NEDD4L: variants seen among roughly 807,000 people sequenced by gnomAD.
NEDD4L encodes the protein E3 ubiquitin-protein ligase NEDD4-like.
Under a neutral mutation model 148.9 loss-of-function variants are expected in NEDD4L, and 54 were observed. The ratio of observed to expected loss-of-function variants is 0.36; its 90% CI spans 0.29 to 0.45. The LOEUF (loss-of-function observed/expected upper bound fraction) is 0.45, where lower values mean the gene tolerates loss of function less well. NEDD4L is among the 20% of genes least tolerant of loss of function. The pLI, the probability that NEDD4L is intolerant of heterozygous loss-of-function variation, is 1.00. For synonymous variants in NEDD4L, 433 were observed against 440.7 expected, an observed-to-expected ratio of 0.98 and a Z score of 0.22; for missense variants, 856 against 1,233.8, an observed-to-expected ratio of 0.69 and a Z score of 4.59.
rs767012351 is a variant in NEDD4L at position 58,330,804 on chromosome 18, C to T, written c.880C>T (p.Pro294Ser). The change falls in exon 11 of 31, where the codon CCA (proline) becomes TCA (serine). Residue 294 changes from proline to serine, a missense_variant. By Grantham distance (74) the Pro-to-Ser change is moderately conservative. Coordinates refer to ENST00000400345, the MANE Select transcript of NEDD4L (RefSeq NM_001144967.3). ...GDSLGLALPP[P>S]PASPGSRTSP... ...CTCTCTCGGTCTGGCTCTGCCCCCA[C>T]CACCGGCCTCCCCAGGATCTCGGAC... 1.2e-6 allele frequency: 2 copies of T among 1,613,788 alleles called. No homozygotes were observed. The highest frequency in any genetic ancestry group is 1.7e-6 in the Non-Finnish European group (2 of 1,179,772).
intron 1 of NEDD4L, among the ~76,000 whole-genome samples, chr18:58,054,524 G>A (rs570502531): frequency 8.5e-5 from 13 of 152,278 alleles, no homozygotes; most frequent in African/African-American, 2.6e-4. Context: ...TTTGAGCACC[G>A]GGGTTCAGGA....
intron 5 of NEDD4L, among the ~76,000 whole-genome samples, chr18:58,296,639 G>A (rs563373523): frequency 6.6e-6 from 1 of 152,274 alleles, no homozygotes; most frequent in East Asian, 1.9e-4. Flanking sequence ...GGACACTTGT[G>A]GGCCGGGCGC....
intron 1 of NEDD4L, among the ~76,000 whole-genome samples, chr18:58,159,941 C>T (rs991606592): frequency 3.3e-5 from 5 of 152,194 alleles, no homozygotes; most frequent in African/African-American, 1.2e-4. Flanking sequence ...TGTACGTGAT[C>T]CTGGGGTCAC....
At chr18:58,148,163 CTT>C (rs58114617) in intron 1 of NEDD4L, among the ~76,000 whole-genome samples, 32 of 141,926 alleles carry the variant, frequency 2.3e-4, no homozygotes, top group South Asian at 4.4e-4. Context: ...CCACACTGTT[CTT>C]TTTTTTTTTT....
rs765670927 is a variant in NEDD4L, at chr18:58,389,113, A to G, written c.2576A>G (p.Asp859Gly). The G allele has an allele frequency of 1.2e-6, 2 of 1,613,846 alleles. No individual in the cohort carries two copies. Among genetic ancestry groups the G allele is most frequent in the African/African-American group, 2.7e-5 (2 of 74,922 alleles). Residue 859 changes from aspartate to glycine, a missense_variant, in exon 28 of 31, where the codon GAT (aspartate) becomes GGT (glycine). Coordinates refer to ENST00000400345, the MANE Select transcript of NEDD4L (RefSeq NM_001144967.3). ...CTCATGTGCGGCCTCGGTGATGTGG[A>G]TGTGAATGACTGGAGACAGCATTCT... is the stretch of plus-strand genomic sequence containing the variant. ...ELLMCGLGDV[D>G]VNDWRQHSIY...
intron 16 of NEDD4L, among the ~76,000 whole-genome samples, chr18:58,344,162 TAA>T (rs1281984327): frequency 6.6e-6 from 1 of 152,220 alleles, no homozygotes; most frequent in Admixed American, 6.5e-5. Context: ...TGATGGACAT[TAA>T]GTGTGTCCAT....
At chr18:58,201,431 T>C (rs180744749) in intron 2 of NEDD4L, among the ~76,000 whole-genome samples, 52 of 152,314 alleles carry the variant, frequency 3.4e-4, no homozygotes, top group Admixed American at 2.7e-3. Flanking sequence ...AACAGCATAA[T>C]GAAACCCCAT....
intron 1 of NEDD4L, among the ~76,000 whole-genome samples, chr18:58,048,435 G>A (rs780271100): frequency 5.9e-5 from 9 of 152,178 alleles, no homozygotes; most frequent in Non-Finnish European, 1.3e-4. Context: ...AACTGTGTGA[G>A]GTAGGCTGTG....
intron 5 of NEDD4L, among the ~76,000 whole-genome samples, chr18:58,263,633 G>A (rs1316277954): frequency 2.0e-5 from 3 of 147,390 alleles, no homozygotes; most frequent in Admixed American, 2.0e-4. Context: ...ACATTTTCAA[G>A]CGTGATAATA....
chr18:58,207,668 G>A (rs939861649), intron 2 of NEDD4L, among the ~76,000 whole-genome samples: 4 of 152,124 alleles, frequency 2.6e-5, no homozygotes, highest in African/African-American at 9.7e-5. Context: ...TGATGTTTGG[G>A]GTACAGCTGC....
chr18:58,156,693 G>T, intron 1 of NEDD4L, among the ~76,000 whole-genome samples: 1 of 152,052 alleles, frequency 6.6e-6, no homozygotes, highest in Non-Finnish European at 1.5e-5. Flanking sequence ...GAGGCCACCT[G>T]CCCGTGTTTG....
At chr18:58,206,597 A>G (rs2042009879) in intron 2 of NEDD4L, among the ~76,000 whole-genome samples, 1 of 152,222 alleles carries the variant, frequency 6.6e-6, no homozygotes, top group South Asian at 2.1e-4. Flanking sequence ...GTACAGGAGA[A>G]TTCATCTTTG....
intron 1 of NEDD4L, among the ~76,000 whole-genome samples, chr18:58,153,677 C>T (rs191012251): frequency 0.02 from 3,032 of 150,754 alleles, 55 homozygotes; most frequent in Non-Finnish European, 0.03. Context: ...GATGGAGTCT[C>T]GCTCTGTCCC....
chr18:58,227,736 A>G (rs2044546003), intron 2 of NEDD4L: 1 of 211,026 alleles, frequency 4.7e-6, no homozygotes, highest in Non-Finnish European at 8.2e-6. Flanking sequence ...AACATGCTGC[A>G]GTTACGTGTT....
chr18:58,251,954 C>A, intron 4 of NEDD4L, 47 bp from the exon 5 acceptor site: 2 of 1,083,018 alleles, frequency 1.8e-6, no homozygotes, highest in Non-Finnish European at 2.9e-6. Context: ...CGTCGCTGTT[C>A]AAATGATTCC....
chr18:58,289,786 G>A (rs1210807908), intron 5 of NEDD4L, among the ~76,000 whole-genome samples: 1 of 152,230 alleles, frequency 6.6e-6, no homozygotes, highest in East Asian at 1.9e-4. Flanking sequence ...GGTTACCAGA[G>A]TTATAAAATC....
At chr18:58,249,600 G>A (rs2047660333) in intron 4 of NEDD4L, among the ~76,000 whole-genome samples, 1 of 152,156 alleles carries the variant, frequency 6.6e-6, no homozygotes, top group South Asian at 2.1e-4. Flanking sequence ...CTATTTAATT[G>A]AAAGAAAGGA....
At chr18:58,090,866 T>C (rs2084036044) in intron 1 of NEDD4L, 2 of 152,250 alleles carry the variant, frequency 1.3e-5, no homozygotes, top group Admixed American at 1.3e-4. Context: ...GTATGTTGTT[T>C]CAAAAGCAAC....
intron 30 of NEDD4L, among the ~76,000 whole-genome samples, chr18:58,395,491 G>A (rs9989592): frequency 4.8e-5 from 7 of 146,268 alleles, no homozygotes; most frequent in East Asian, 2.0e-4. Flanking sequence ...TGCAGCCCCC[G>A]CCCCCACCTG....
Sources: allele counts gnomAD v4.1 joint callset (sites outside exome capture counted in the v4.1 genomes callset), GRCh38; gene constraint gnomAD v4.1.1; transcripts MANE v1.5; gene names NCBI Gene and HGNC (gene_info 2026-07-23, HGNC 2026-07-21).